The following CACNA1B variants were observed in gnomAD, a reference collection of about 807,000 sequenced individuals.
CACNA1B encodes voltage-dependent N-type calcium channel subunit alpha-1B.
Under a neutral mutation model 247.2 loss-of-function variants are expected in CACNA1B, and 70 were observed. The observed-to-expected ratio is 0.28, with a 90% CI of 0.23 to 0.35. CACNA1B has a LOEUF of 0.35. Among genes scored for constraint, CACNA1B ranks in the 10% least tolerant of loss-of-function variants. The pLI is 1.00. For synonymous variants in CACNA1B, 1,231 were observed against 1,294.4 expected (o/e 0.95, Z 1.05); for missense variants, 2,367 against 3,197.4 (o/e 0.74, Z 6.26).
intron 6 of CACNA1B, among the ~76,000 whole-genome samples, chr9:137,924,977 T>A (rs978926389): frequency 1.3e-5 from 2 of 152,216 alleles, no homozygotes; most frequent in African/African-American, 4.8e-5. Flanking sequence ...AGGGGGTTCC[T>A]GATACAGGAA....
At chr9:137,902,852 A>G (rs1199445327) in intron 3 of CACNA1B, among the ~76,000 whole-genome samples, 3 of 152,222 alleles carry the variant, frequency 2.0e-5, no homozygotes, top group Non-Finnish European at 4.4e-5. Flanking sequence ...TGCTCACTGC[A>G]CACAGATGTC....
At position 137,877,787 on chromosome 9, in the gene CACNA1B, A is replaced by AGGCGGC. The variant is rs1270869728; in HGVS notation, c.-140_-135dup. 178 of 260,290 alleles carry AGGCGGC rather than the reference A, an allele frequency of 6.8e-4. No individual in the cohort carries two copies. The Middle Eastern group carries it at 0.017, about 25-fold the overall frequency. 16.1% of individuals were successfully genotyped at this position (260,290 alleles called of 1,614,324 possible). ...TGGCGCGGGGCCGCGGAGTCGGGTG[A>AGGCGGC]GGCGGCGGCGGCTGCGGCGGTGGGG... On this transcript the variant is annotated 5_prime_UTR_variant, in exon 1 of 47. Coordinates refer to ENST00000371372, the MANE Select transcript of CACNA1B (RefSeq NM_000718.4).
chr9:138,043,703 T>C, intron 20 of CACNA1B, 71 bp from the exon 21 acceptor site: 1 of 1,582,186 alleles, frequency 6.3e-7, no homozygotes. Flanking sequence ...GCATGGGAGC[T>C]GGGAGGGAGC....
In CACNA1B at chr9:138,056,960, G is replaced by A. The variant is rs1463274558; in HGVS notation, c.3969-772G>A. On this transcript the variant is annotated intron_variant, in intron 26 of 46. Transcript: ENST00000371372. Reference sequence around the variant, plus strand: ...TTTTTTTTTTTTTTTTTTTGAGACGGAGTCTCGCTCTGTTGCCCAGGCTGG... The same window carrying A: ...TTTTTTTTTTTTTTTTTTTGAGACGAAGTCTCGCTCTGTTGCCCAGGCTGG... Among the ~76,000 whole-genome samples, 4 of 124,694 alleles carry A rather than the reference G, an allele frequency of 3.2e-5. 1 individual carries two copies. The highest frequency in any genetic ancestry group is 5.3e-4 in the South Asian group (2 of 3,800). The allele number at this position is 124,694 out of a possible 152,430, so 81.8% of individuals were successfully genotyped here.
At chr9:137,979,260 C>G (rs1958265568) in intron 12 of CACNA1B, among the ~76,000 whole-genome samples, 2 of 152,124 alleles carry the variant, frequency 1.3e-5, no homozygotes, top group African/African-American at 4.8e-5. Flanking sequence ...CAGTTGAAGG[C>G]CAAGGATATG....
At chr9:137,969,153 G>C (rs902019578) in intron 10 of CACNA1B, among the ~76,000 whole-genome samples, 1 of 152,228 alleles carries the variant, frequency 6.6e-6, no homozygotes, top group Non-Finnish European at 1.5e-5. Flanking sequence ...TTGCTGAGCT[G>C]GGATGTGAGG....
chr9:138,044,788 A>G (rs940255554), intron 21 of CACNA1B, among the ~76,000 whole-genome samples: 2 of 152,186 alleles, frequency 1.3e-5, no homozygotes, highest in Non-Finnish European at 2.9e-5. Context: ...TCACCACCCA[A>G]CCGTCTTTCT....
chr9:138,057,932 TC>T lies in CACNA1B; in HGVS notation c.4106+66del. The T allele has an allele frequency of 6.3e-7, 1 of 1,575,088 alleles. No individual in the cohort carries two copies. Among genetic ancestry groups the T allele is most frequent in the Non-Finnish European group, 8.7e-7 (1 of 1,150,772 alleles). ...AGCCCCTGAGCTCGGCCTCCCTTCC[TC>T]CCTCTATCCCTGGGCTCAGGCATGG... On this transcript the variant is annotated intron_variant, in intron 27 of 46. Coordinates refer to ENST00000371372, the MANE Select transcript of CACNA1B (RefSeq NM_000718.4). This position sits in a 1 kb window ranked among gnomAD's most constrained non-coding sequence, Gnocchi z 4.0.
intron 5 of CACNA1B, among the ~76,000 whole-genome samples, chr9:137,916,157 C>T (rs1023913713): frequency 5.3e-5 from 8 of 151,724 alleles, no homozygotes; most frequent in Non-Finnish European, 7.4e-5. Context: ...CTCAGCCTCC[C>T]GAGTAGCTGG....
Position 138,010,519 on chromosome 9 carries a change from G to T in CACNA1B, c.2160+442G>T, listed in dbSNP as rs890695945. The stretch of plus-strand genomic sequence containing the variant: ...TGTCTCCCTCTGTGATATCCCTCCG[G>T]ATGACACAGTCCCCTCCTGGTCATG... On this transcript the variant is annotated intron_variant, in intron 17 of 46. Coordinates refer to ENST00000371372, the MANE Select transcript of CACNA1B (RefSeq NM_000718.4). This position sits in a 1 kb window ranked among gnomAD's most constrained non-coding sequence, Gnocchi z 5.3. Among the ~76,000 whole-genome samples the T allele has an allele frequency of 2.0e-5, 3 of 152,272 alleles. No homozygotes were observed. The highest frequency in any genetic ancestry group is 3.9e-4 in the East Asian group (2 of 5,192).
chr9:138,090,727 A>AT (rs1960849084), intron 36 of CACNA1B, among the ~76,000 whole-genome samples: 1 of 137,984 alleles, frequency 7.2e-6, no homozygotes, highest in Non-Finnish European at 1.7e-5. Flanking sequence ...AAAAAAAAAA[A>AT]AAAAAAATCA....
intron 15 of CACNA1B, among the ~76,000 whole-genome samples, chr9:138,001,217 T>C (rs978922034): frequency 1.7e-5 from 2 of 117,994 alleles, no homozygotes; most frequent in Non-Finnish European, 3.3e-5. Flanking sequence ...AAGTGAAACA[T>C]TGATAAAAAT....
intron 3 of CACNA1B, chr9:137,892,510 T>C (rs1957117153): frequency 2.7e-6 from 1 of 376,288 alleles, no homozygotes. Flanking sequence ...TTCCTCTGAC[T>C]GTGGGTCCTT....
intron 13 of CACNA1B, among the ~76,000 whole-genome samples, chr9:137,985,024 C>G (rs1345238561): frequency 2.0e-5 from 3 of 152,202 alleles, no homozygotes; most frequent in Admixed American, 6.5e-5. Context: ...CTACCAGACA[C>G]ACACGTGGGC....
At position 137,903,109 on chromosome 9, in the gene CACNA1B, A is replaced by T. The variant is rs539931069; in HGVS notation, c.531-10071A>T. Among the ~76,000 whole-genome samples the T allele has an allele frequency of 4.8e-3, 734 of 152,162 alleles. 6 individuals are homozygous for T. Among genetic ancestry groups the T allele is most frequent in the African/African-American group, 0.017 (691 of 41,542 alleles). ...AAATTATACTATTAAAAAACTCTTC[A>T]CCGGTGGCTCACGCCTGTAATTCCA... On this transcript the variant is annotated intron_variant, in intron 3 of 46. Transcript: ENST00000371372.
At chr9:138,088,894 G>C (rs1019855806) in intron 36 of CACNA1B, among the ~76,000 whole-genome samples, 1 of 142,462 alleles carries the variant, frequency 7.0e-6, no homozygotes, top group African/African-American at 2.6e-5. Context: ...GGGAGGCAGA[G>C]GTTGTAGTGA....
chr9:138,049,104 C>T (rs1564258853), intron 23 of CACNA1B, 105 bp from the exon 24 acceptor site: 1 of 787,770 alleles, frequency 1.3e-6, no homozygotes, highest in South Asian at 1.4e-5. Flanking sequence ...GTCTGCCTGC[C>T]TCAGCCTCCC....
intron 18 of CACNA1B, among the ~76,000 whole-genome samples, chr9:138,022,786 C>A (rs1181661874): frequency 7.8e-6 from 1 of 128,258 alleles, no homozygotes; most frequent in African/African-American, 2.8e-5. Flanking sequence ...TTTCACCTTG[C>A]GGGTCCTGTG....
chr9:138,065,154 G>A (rs950667819), intron 31 of CACNA1B, among the ~76,000 whole-genome samples: 3 of 152,174 alleles, frequency 2.0e-5, no homozygotes, highest in Non-Finnish European at 4.4e-5. Flanking sequence ...ATGGGAGAAA[G>A]CTCCCCTACA....
Sources: allele counts gnomAD v4.1 joint callset (sites outside exome capture counted in the v4.1 genomes callset), GRCh38; gene constraint gnomAD v4.1.1; non-coding constraint Gnocchi (gnomAD v3.1); transcripts MANE v1.5; gene names NCBI Gene and HGNC (gene_info 2026-07-23, HGNC 2026-07-21).